The following NIBAN3 variants were observed in gnomAD, a reference collection of about 807,000 sequenced individuals.
The protein encoded by NIBAN3 is protein Niban 3.
Under a neutral mutation model 76.4 loss-of-function variants are expected in NIBAN3, and 66 were observed. The ratio of observed to expected loss-of-function variants is 0.86; its 90% CI spans 0.71 to 1.06. The LOEUF is 1.06. Among genes scored for constraint, NIBAN3 ranks in the 50% least tolerant of loss-of-function variants. NIBAN3 has a pLI of 0.00. For missense variants in NIBAN3, 808 were observed against 810.7 expected (o/e 1.00, Z 0.04); for synonymous variants, 360 against 355.2 (o/e 1.01, Z -0.15).
At chr19:17,540,311 C>G in intron 8 of NIBAN3, 81 bp from the exon 9 acceptor site, 1 of 1,044,098 alleles carries the variant, frequency 9.6e-7, no homozygotes. Flanking sequence ...TGCTCGCGTC[C>G]CCCTCGCGAG....
chr19:17,534,058 A>G (rs963827585), intron 4 of NIBAN3, among the ~76,000 whole-genome samples: 11 of 152,076 alleles, frequency 7.2e-5, no homozygotes, highest in African/African-American at 2.7e-4. Context: ...AAAATCTGGG[A>G]TGGGTGCACT....
At chr19:17,545,753 A>T (rs890932167) in intron 12 of NIBAN3, 1 of 178,526 alleles carries the variant, frequency 5.6e-6, no homozygotes, top group South Asian at 9.9e-5. Flanking sequence ...TAGAAGGCAG[A>T]GCCAGGTGTA....
Position 17,542,054 on chromosome 19 carries a change from T to C in NIBAN3, c.1171-82T>C, listed in dbSNP as rs1000542892. ...ATGTATTTTCATTTGTGTTTCTCCTTTGGTGAATTGGTAATGGGGTCCCTG... is the reference window on the plus strand; with the variant it reads ...ATGTATTTTCATTTGTGTTTCTCCTCTGGTGAATTGGTAATGGGGTCCCTG... On this transcript the variant is annotated intron_variant, in intron 9 of 14. Coordinates refer to ENST00000599164, the MANE Select transcript of NIBAN3 (RefSeq NM_001321827.2). The surrounding 1 kb of genome is among the most constrained non-coding windows in gnomAD (Gnocchi z 4.8). 2 of 1,502,434 alleles carry C rather than the reference T, an allele frequency of 1.3e-6. No individual in the cohort carries two copies. Among genetic ancestry groups the C allele is most frequent in the African/African-American group, 2.8e-5 (2 of 72,228 alleles). 93.1% of individuals were successfully genotyped at this position (1,502,434 alleles called of 1,614,324 possible).
chr19:17,523,396 C>T (rs1161544050), upstream of NIBAN3: 1 of 1,537,588 alleles, frequency 6.5e-7, no homozygotes, highest in Non-Finnish European at 8.8e-7. Context: ...GCTTCAACGT[C>T]TTGTCCCGGC....
At chr19:17,555,369 C>T (rs1186247354), downstream of NIBAN3, among the ~76,000 whole-genome samples, 1 of 152,182 alleles carries the variant, frequency 6.6e-6, no homozygotes, top group Non-Finnish European at 1.5e-5. Context: ...GGGTTTTATA[C>T]ATGGGGAAAT....
At position 17,542,676 on chromosome 19, in the gene NIBAN3, T is replaced by C. The variant is rs1191271747; in HGVS notation, c.1329+382T>C. Reference sequence around the variant, plus strand: ...AAATGGGGAAGATAGGCCGGCGACATGGACGGGCAGATCGCGCAGTGCCTT... The same window carrying C: ...AAATGGGGAAGATAGGCCGGCGACACGGACGGGCAGATCGCGCAGTGCCTT... On this transcript the variant is annotated intron_variant, in intron 10 of 14. Transcript: ENST00000599164. The surrounding 1 kb of genome is among the most constrained non-coding windows in gnomAD (Gnocchi z 4.8). 6.6e-6 allele frequency among the ~76,000 whole-genome samples: 1 copy of C among 152,152 alleles called. No homozygotes were observed. The highest frequency in any genetic ancestry group is 2.4e-5 in the African/African-American group (1 of 41,426).
At chr19:17,531,635 G>C (rs2075726446) in intron 2 of NIBAN3, among the ~76,000 whole-genome samples, 1 of 152,200 alleles carries the variant, frequency 6.6e-6, no homozygotes, top group Admixed American at 6.5e-5. Flanking sequence ...CCAGGTTCAA[G>C]CGATTCTCGT....
rs1027748320 is a variant in NIBAN3, at chr19:17,530,742, C to A, written c.56-13C>A. ...TTCAATTTGCTGGGTTCACTGTCCC[C>A]TTGTCCCTGCAGGTCAGGTGGACAC... is the stretch of plus-strand genomic sequence containing the variant. On this transcript the variant is annotated splice_polypyrimidine_tract_variant and intron_variant, in intron 1 of 14. Coordinates refer to ENST00000599164, the MANE Select transcript of NIBAN3 (RefSeq NM_001321827.2). 1 of 1,601,092 alleles carries A rather than the reference C, an allele frequency of 6.2e-7. No individual in the cohort carries two copies. The highest frequency in any genetic ancestry group is 1.3e-5 in the African/African-American group (1 of 74,488).
Position 17,551,692 on chromosome 19 carries a change from A to T in NIBAN3, c.1751-94A>T, listed in dbSNP as rs1480184370. On this transcript the variant is annotated intron_variant, in intron 14 of 14. Coordinates refer to ENST00000599164, the MANE Select transcript of NIBAN3 (RefSeq NM_001321827.2). ...AGGCATGAGCCATTGCGCCCAGCCA[A>T]CATCTCTATTAACTCTGATTTTTTA... 5.0e-6 allele frequency: 3 copies of T among 601,628 alleles called. No homozygotes were observed. In the South Asian group the frequency reaches 5.6e-5, roughly 11 times the overall value. The allele number at this position is 601,628 out of a possible 1,614,324, so 37.3% of individuals were successfully genotyped here. A position where few individuals can be genotyped will look rare whatever the true frequency, so the allele number is the denominator to read the frequency against.
chr19:17,534,655 G>A (rs2075791321), intron 4 of NIBAN3, among the ~76,000 whole-genome samples: 1 of 152,078 alleles, frequency 6.6e-6, no homozygotes, highest in South Asian at 2.1e-4. Context: ...GCCAGTTGTG[G>A]TGGCGGGCAC....
chr19:17,551,390 C>T (rs1480461103), intron 14 of NIBAN3, among the ~76,000 whole-genome samples: 4 of 151,732 alleles, frequency 2.6e-5, no homozygotes, highest in South Asian at 2.1e-4. Flanking sequence ...CCACTGCACC[C>T]GGCCTACATT....
At position 17,543,547 on chromosome 19, in the gene NIBAN3, G is replaced by A; in HGVS notation, c.1470G>A (p.Leu490=). ...AGAAATTCAAATCGGACAGCGGGTT[G>A]GCGCAGAGGAGGTTCATCCGAGGCT... ...VLKKFKSDSG[L]AQRRFIRGWG... Residue 490 remains leucine (L), a synonymous_variant, in exon 12 of 15, where the codon TTG becomes TTA. Transcript: ENST00000599164. 6.2e-7 allele frequency: 1 copy of A among 1,614,190 alleles called. No homozygotes were observed. Among genetic ancestry groups the A allele is most frequent in the South Asian group, 1.1e-5 (1 of 91,086 alleles).
Position 17,552,030 on chromosome 19 carries a change from C to T in NIBAN3, c.*132C>T, listed in dbSNP as rs1022056512. Reference sequence around the variant, plus strand: ...CAGAAAACTGTACCATTTTATACTCCAAGCAGCAGCATTTATTTGTGTATT... The same window carrying T: ...CAGAAAACTGTACCATTTTATACTCTAAGCAGCAGCATTTATTTGTGTATT... On this transcript the variant is annotated 3_prime_UTR_variant, in exon 15 of 15. Coordinates refer to ENST00000599164, the MANE Select transcript of NIBAN3 (RefSeq NM_001321827.2). 5 of 491,612 alleles carry T rather than the reference C, an allele frequency of 1.0e-5. No homozygotes were observed. Among genetic ancestry groups the T allele is most frequent in the African/African-American group, 9.9e-5 (5 of 50,648 alleles). 30.5% of individuals were successfully genotyped at this position (491,612 alleles called of 1,614,324 possible). A position where few individuals can be genotyped will look rare whatever the true frequency, so the allele number is the denominator to read the frequency against.
intron 12 of NIBAN3, among the ~76,000 whole-genome samples, chr19:17,544,349 TG>T (rs989158588): frequency 6.6e-6 from 1 of 152,370 alleles, no homozygotes; most frequent in Non-Finnish European, 1.5e-5. Flanking sequence ...GTGGCTTTTC[TG>T]GGCTTCCACA....
At chr19:17,546,510 C>A in intron 12 of NIBAN3, 176 bp from the exon 13 acceptor site, 1 of 1,161,304 alleles carries the variant, frequency 8.6e-7, no homozygotes, top group Non-Finnish European at 1.1e-6. Context: ...CCACCGCACC[C>A]GGCCTGTTTA....
chr19:17,534,089 G>A (rs1211434379), intron 4 of NIBAN3, among the ~76,000 whole-genome samples: 1 of 152,196 alleles, frequency 6.6e-6, no homozygotes, highest in African/African-American at 2.4e-5. Flanking sequence ...TGTAGTCCCA[G>A]CTACTCGGGA....
rs763519140 is a variant in NIBAN3 at position 17,533,607 on chromosome 19, C to T, written c.333C>T (p.His111=). ...TGTAGGAATATGAAAACGGGGGCCACTGCCTTGGCTCAACAGCCCTGACAG... is the reference window on the plus strand; with the variant it reads ...TGTAGGAATATGAAAACGGGGGCCATTGCCTTGGCTCAACAGCCCTGACAG... ...SHKEEYENGG[H]CLGSTALTGY... Residue 111 remains histidine, a synonymous_variant, in exon 4 of 15, where the codon CAC becomes CAT. Transcript: ENST00000599164. 4.3e-6 allele frequency: 7 copies of T among 1,613,936 alleles called. No individual in the cohort carries two copies. The South Asian group carries it at 7.7e-5, about 18-fold the overall frequency.
chr19:17,540,036 C>A, intron 8 of NIBAN3: 1 of 385,926 alleles, frequency 2.6e-6, no homozygotes, highest in Non-Finnish European at 4.6e-6. Context: ...TGCTTGGATA[C>A]AAAAAGGGCG....
chr19:17,548,936 T>G (rs1333773213), intron 13 of NIBAN3, among the ~76,000 whole-genome samples: 1 of 147,366 alleles, frequency 6.8e-6, no homozygotes, highest in Admixed American at 6.8e-5. Context: ...AAAAAAAAGT[T>G]GTTTTTTTTT....
Sources: allele counts gnomAD v4.1 joint callset (sites outside exome capture counted in the v4.1 genomes callset), GRCh38; gene constraint gnomAD v4.1.1; non-coding constraint Gnocchi (gnomAD v3.1); transcripts MANE v1.5; gene names NCBI Gene and HGNC (gene_info 2026-07-23, HGNC 2026-07-21).